FSCN1: variants seen among roughly 807,000 people sequenced by gnomAD.
FSCN1 encodes the protein fascin actin-bundling protein 1, also known as fascin.
Under a neutral mutation model 39.7 loss-of-function variants are expected in FSCN1, and 10 were observed. The ratio of observed to expected loss-of-function variants is 0.25; its 90% CI spans 0.16 to 0.43. FSCN1 has a LOEUF of 0.43. Among genes scored for constraint, FSCN1 ranks in the 20% least tolerant of loss-of-function variants. The pLI is 1.00. For missense variants in FSCN1, 525 were observed against 723.8 expected (o/e 0.73, Z 3.15); for synonymous variants, 322 against 320.0 (o/e 1.01, Z -0.07).
intron 4 of FSCN1, among the ~76,000 whole-genome samples, chr7:5,604,450 T>G (rs1210633032): frequency 6.6e-6 from 1 of 151,852 alleles, no homozygotes; most frequent in Admixed American, 6.6e-5. Flanking sequence ...AATCCAGAGG[T>G]GCCTGTTAGG....
At position 5,593,371 on chromosome 7, in the gene FSCN1, C is replaced by T. The variant is rs866542096; in HGVS notation, c.435C>T (p.Tyr145=). The change falls in exon 1 of 5, where the codon TAC becomes TAT. Residue 145 remains tyrosine, a synonymous_variant. Transcript: ENST00000382361. ...CCATGCACCCTCAGGTCAACATCTA[C>T]AGCGTCACCCGTAAGCGCTACGCGC... ...HIAMHPQVNI[Y]SVTRKRYAHL... is the part of the protein sequence containing the mutation. 1.9e-6 allele frequency: 3 copies of T among 1,612,460 alleles called. No individual in the cohort carries two copies. The Middle Eastern group carries it at 5.0e-4, about 269-fold the overall frequency.
Position 5,605,420 on chromosome 7 carries a change from C to A in FSCN1, c.1428C>A (p.Gly476=), listed in dbSNP as rs138127333. Residue 476 remains glycine (G), a synonymous_variant, in exon 5 of 5, where the codon GGC becomes GGA. Coordinates refer to ENST00000382361, the MANE Select transcript of FSCN1 (RefSeq NM_003088.4). The surrounding 1 kb of genome is among the most constrained non-coding windows in gnomAD (Gnocchi z 6.9). ...GGRYLKGDHA[G]VLKASAETVD... ...GCTACCTGAAGGGCGACCACGCAGG[C>A]GTCCTGAAGGCCTCGGCGGAAACCG... The A allele has an allele frequency of 2.5e-6, 4 of 1,611,760 alleles. No homozygotes were observed. The South Asian group carries it at 3.3e-5, about 13-fold the overall frequency.
chr7:5,603,579 A>C lies in FSCN1; in HGVS notation c.1073A>C (p.Lys358Thr). 1.2e-6 allele frequency: 2 copies of C among 1,614,118 alleles called. No homozygotes were observed. Among genetic ancestry groups the C allele is most frequent in the Non-Finnish European group, 1.7e-6 (2 of 1,180,018 alleles). Reference protein sequence around the residue: ...RASNGKFVTSKKNGQLAASVE... With the variant: ...RASNGKFVTSTKNGQLAASVE... The stretch of plus-strand genomic sequence containing the variant: ...TCCAATGGCAAGTTTGTGACCTCCA[A>C]GAAGAATGGGCAGCTGGCCGCCTCG... The change falls in exon 3 of 5, where the codon AAG becomes ACG. Residue 358 changes from lysine to threonine, a missense_variant. By Grantham distance (78) the Lys-to-Thr change is moderately conservative. This residue lies in a region of FSCN1 where 275 missense variants were observed against 351.9 expected (regional missense o/e 0.78). Transcript: ENST00000382361. This position sits in a 1 kb window ranked among gnomAD's most constrained non-coding sequence, Gnocchi z 8.5.
Position 5,593,677 on chromosome 7 carries a change from G to A in FSCN1, c.741G>A (p.Lys247=), listed in dbSNP as rs1785674705. 2 of 1,588,812 alleles carry A rather than the reference G, an allele frequency of 1.3e-6. No individual in the cohort carries two copies. Among genetic ancestry groups the A allele is most frequent in the Non-Finnish European group, 1.7e-6 (2 of 1,174,250 alleles). Residue 247 remains lysine, a synonymous_variant, in exon 1 of 5, where the codon AAG becomes AAA. Coordinates refer to ENST00000382361, the MANE Select transcript of FSCN1 (RefSeq NM_003088.4). ...SGTLKAGKAT[K]VGKDELFALE... ...CGCTCAAGGCGGGCAAGGCCACCAA[G>A]GTGGGCAAGGACGAGCTCTTTGCTC...
At chr7:5,604,643 A>G (rs1258187659) in intron 4 of FSCN1, among the ~76,000 whole-genome samples, 2 of 126,168 alleles carry the variant, frequency 1.6e-5, no homozygotes, top group Admixed American at 1.6e-4. Context: ...TAATTTTTAT[A>G]TTTTTAAAAT....
In FSCN1 at chr7:5,592,880, C is replaced by A; in HGVS notation, c.-57C>A. 9.0e-7 allele frequency: 1 copy of A among 1,113,188 alleles called. No individual in the cohort carries two copies. The highest frequency in any genetic ancestry group is 1.3e-6 in the Non-Finnish European group (1 of 796,736). The allele number at this position is 1,113,188 out of a possible 1,614,324, so 69.0% of individuals were successfully genotyped here. A position where few individuals can be genotyped will look rare whatever the true frequency, so the allele number is the denominator to read the frequency against. ...GAACAAAGGAGCAGGGGCGCCGCCG[C>A]AGGGACCCGCCACCCACCTCCCGGG... On this transcript the variant is annotated 5_prime_UTR_variant, in exon 1 of 5. Coordinates refer to ENST00000382361, the MANE Select transcript of FSCN1 (RefSeq NM_003088.4). The surrounding 1 kb of genome is among the most constrained non-coding windows in gnomAD (Gnocchi z 5.3).
At chr7:5,602,046 G>GTGA (rs1286082581) in intron 1 of FSCN1, among the ~76,000 whole-genome samples, 1 of 151,584 alleles carries the variant, frequency 6.6e-6, no homozygotes, top group Non-Finnish European at 1.5e-5. Context: ...CCAGGTTGAA[G>GTGA]TGATTCTCCT....
intron 1 of FSCN1, among the ~76,000 whole-genome samples, chr7:5,601,839 CAAAA>C (rs1785836421): frequency 6.8e-6 from 1 of 147,654 alleles, no homozygotes; most frequent in African/African-American, 2.5e-5. Context: ...GACCCTGAAT[CAAAA>C]AGAAAGAGAT....
At chr7:5,598,790 C>G (rs536228916) in intron 1 of FSCN1, among the ~76,000 whole-genome samples, 2 of 152,326 alleles carry the variant, frequency 1.3e-5, no homozygotes, top group East Asian at 1.9e-4. Context: ...GTCCTCTTAC[C>G]TGGTCCCTAA....
chr7:5,599,816 A>C lies in FSCN1; in HGVS notation c.833-3441A>C, dbSNP rs1283245703. ...AGCAAGACCCTATCTCTAAAAAAAA[A>C]ATGGAATTGAGGATGTGTCCTCTGG... On this transcript the variant is annotated intron_variant, in intron 1 of 4. Transcript: ENST00000382361. The surrounding 1 kb of genome is among the most constrained non-coding windows in gnomAD (Gnocchi z 5.6). Among the ~76,000 whole-genome samples, 2 of 151,738 alleles carry C rather than the reference A, an allele frequency of 1.3e-5. No homozygotes were observed. Among genetic ancestry groups the C allele is most frequent in the Admixed American group, 6.6e-5 (1 of 15,248 alleles).
rs11974907 is a variant in FSCN1, at chr7:5,603,647, C to T, written c.1111+30C>T. 0.046 allele frequency: 74,071 copies of T among 1,613,300 alleles called. 6,490 individuals carry two copies. Among genetic ancestry groups the T allele is most frequent in the African/African-American group, 0.38 (28,808 of 74,906 alleles). On this transcript the variant is annotated intron_variant, in intron 3 of 4. Transcript: ENST00000382361. The surrounding 1 kb of genome is among the most constrained non-coding windows in gnomAD (Gnocchi z 8.5). Reference sequence around the variant, plus strand: ...CACTAAAGCCCCAGTTCCCTGGAGCCGTCCTGGAGTCCTGGAGGGTCTGGC... The same window carrying T: ...CACTAAAGCCCCAGTTCCCTGGAGCTGTCCTGGAGTCCTGGAGGGTCTGGC...
chr7:5,598,418 G>T (rs1275390064), intron 1 of FSCN1, among the ~76,000 whole-genome samples: 1 of 152,204 alleles, frequency 6.6e-6, no homozygotes, highest in African/African-American at 2.4e-5. Context: ...TAAATTTCAT[G>T]GAGTTGCCAG....
At position 5,593,398 on chromosome 7, in the gene FSCN1, C is replaced by A; in HGVS notation, c.462C>A (p.His154Gln). ...GCGTCACCCGTAAGCGCTACGCGCACCTGAGCGCGCGGCCGGCCGACGAGA... is the reference window on the plus strand; with the variant it reads ...GCGTCACCCGTAAGCGCTACGCGCAACTGAGCGCGCGGCCGGCCGACGAGA... ...IYSVTRKRYA[H>Q]LSARPADEIA... The change falls in exon 1 of 5, where the codon CAC becomes CAA. Residue 154 changes from histidine to glutamine, a missense_variant. By Grantham distance (24) the His-to-Gln change is conservative. This residue lies in a region of FSCN1 where 246 missense variants were observed against 350.6 expected (regional missense o/e 0.70). Transcript: ENST00000382361. 2 of 1,612,310 alleles carry A rather than the reference C, an allele frequency of 1.2e-6. No individual in the cohort carries two copies. Among genetic ancestry groups the A allele is most frequent in the Non-Finnish European group, 1.7e-6 (2 of 1,179,792 alleles).
In FSCN1 at chr7:5,603,724, T is replaced by C; in HGVS notation, c.1111+107T>C. 2.0e-6 allele frequency: 3 copies of C among 1,537,676 alleles called. No individual in the cohort carries two copies. Among genetic ancestry groups the C allele is most frequent in the Admixed American group, 1.7e-5 (1 of 58,410 alleles). On this transcript the variant is annotated intron_variant, in intron 3 of 4. Coordinates refer to ENST00000382361, the MANE Select transcript of FSCN1 (RefSeq NM_003088.4). The surrounding 1 kb of genome is among the most constrained non-coding windows in gnomAD (Gnocchi z 8.5). ...GCCAAGGCCTGCTCTGTGCTGGGCA[T>C]CCCCCCGGACTGGCCCCGCACTGTC...
Position 5,606,534 on chromosome 7 carries a change from A to G in FSCN1, c.*1060A>G, listed in dbSNP as rs1433946284. ...CCAGCCTCCCCCGTCCCCAACATGC[A>G]TCTCACTCTGGGTGTCTTGGTCTTT... On this transcript the variant is annotated 3_prime_UTR_variant, in exon 5 of 5. Transcript: ENST00000382361. This position sits in a 1 kb window ranked among gnomAD's most constrained non-coding sequence, Gnocchi z 5.1. The G allele has an allele frequency of 6.6e-6, 1 of 152,298 alleles. No individual in the cohort carries two copies. The highest frequency in any genetic ancestry group is 1.5e-5 in the Non-Finnish European group (1 of 68,116). The allele number at this position is 152,298 out of a possible 1,614,324, so 9.4% of individuals were successfully genotyped here.
rs1785861752 is a variant in FSCN1 at position 5,603,019 on chromosome 7, T to A, written c.833-238T>A. 1.8e-6 allele frequency: 1 copy of A among 567,536 alleles called. No individual in the cohort carries two copies. Among genetic ancestry groups the A allele is most frequent in the East Asian group, 3.0e-5 (1 of 33,636 alleles). The allele number at this position is 567,536 out of a possible 1,614,324, so 35.2% of individuals were successfully genotyped here. ...GCCCCTGTCCCTGGCCCCTATTATTTCTCTAACTGGGGAAAGTCATGTGGG... is the reference window on the plus strand; with the variant it reads ...GCCCCTGTCCCTGGCCCCTATTATTACTCTAACTGGGGAAAGTCATGTGGG... On this transcript the variant is annotated intron_variant, in intron 1 of 4. Transcript: ENST00000382361. This position sits in a 1 kb window ranked among gnomAD's most constrained non-coding sequence, Gnocchi z 8.5.
At chr7:5,601,197 CTTTTTTT>C (rs534109521) in intron 1 of FSCN1, among the ~76,000 whole-genome samples, 60 of 115,552 alleles carry the variant, frequency 5.2e-4, no homozygotes, top group African/African-American at 1.6e-3. Context: ...TTCTTTCTTC[CTTTTTTT>C]TTTTTTTTTT....
chr7:5,598,151 G>A (rs922082061), intron 1 of FSCN1, among the ~76,000 whole-genome samples: 9 of 152,298 alleles, frequency 5.9e-5, no homozygotes, highest in South Asian at 2.1e-4. Context: ...CTGGCGGAGC[G>A]GAGAGGCTGG....
intron 1 of FSCN1, among the ~76,000 whole-genome samples, chr7:5,595,343 G>T (rs1785711382): frequency 6.6e-6 from 1 of 152,228 alleles, no homozygotes; most frequent in Non-Finnish European, 1.5e-5. Context: ...GAAGCAGCAT[G>T]CAGAAGTGGG....
Sources: allele counts gnomAD v4.1 joint callset (sites outside exome capture counted in the v4.1 genomes callset), GRCh38; gene constraint gnomAD v4.1.1; regional missense constraint gnomAD v4.1.1; non-coding constraint Gnocchi (gnomAD v3.1); transcripts MANE v1.5; gene names NCBI Gene and HGNC (gene_info 2026-07-23, HGNC 2026-07-21).